PCP4: variants seen among roughly 807,000 people sequenced by gnomAD.
PCP4 encodes Purkinje cell protein 4, also known as calmodulin regulator protein PCP4.
A neutral mutation model predicts 10.0 loss-of-function variants in PCP4; 8 were observed. The ratio of observed to expected loss-of-function variants is 0.80; its 90% CI spans 0.47 to 1.45. The LOEUF is 1.45. PCP4 is among the 40% of genes most tolerant of loss of function. The pLI is 0.00. For missense variants in PCP4, 54 were observed against 74.4 expected (o/e 0.73, Z 1.01); for synonymous variants, 21 against 23.0 (o/e 0.91, Z 0.24).
At chr21:39,868,232 G>T (rs2087303563) in intron 1 of PCP4, among the ~76,000 whole-genome samples, 1 of 152,148 alleles carries the variant, frequency 6.6e-6, no homozygotes, top group East Asian at 1.9e-4. Context: ...ATTAGCGGTG[G>T]TACAACACCA....
chr21:39,894,892 C>A (rs1211201239), intron 1 of PCP4, among the ~76,000 whole-genome samples: 1 of 152,180 alleles, frequency 6.6e-6, no homozygotes, highest in South Asian at 2.1e-4. Context: ...AAGGCAGCCT[C>A]TTCCCGAAGA....
At chr21:39,911,427 A>G (rs1199236040) in intron 2 of PCP4, among the ~76,000 whole-genome samples, 1 of 152,228 alleles carries the variant, frequency 6.6e-6, no homozygotes, top group Admixed American at 6.5e-5. Context: ...CCTCGAGGTG[A>G]GCACAGGTGT....
chr21:39,876,921 G>T (rs945477579), intron 1 of PCP4, among the ~76,000 whole-genome samples: 1 of 152,136 alleles, frequency 6.6e-6, no homozygotes, highest in African/African-American at 2.4e-5. Context: ...GGTTGACCTT[G>T]AGAAAGGCTG....
intron 2 of PCP4, among the ~76,000 whole-genome samples, chr21:39,909,202 T>A (rs564567671): frequency 6.2e-4 from 94 of 152,346 alleles, no homozygotes; most frequent in African/African-American, 2.2e-3. Flanking sequence ...GAGTAGATAT[T>A]ACAGTTATTA....
intron 1 of PCP4, among the ~76,000 whole-genome samples, chr21:39,877,607 G>A (rs1041639898): frequency 6.6e-6 from 1 of 152,104 alleles, no homozygotes; most frequent in Non-Finnish European, 1.5e-5. Flanking sequence ...TGAGATGGGT[G>A]GATGGTTTGA....
chr21:39,918,329 A>G (rs545823215), intron 2 of PCP4, among the ~76,000 whole-genome samples: 2 of 152,278 alleles, frequency 1.3e-5, no homozygotes, highest in East Asian at 1.9e-4. Flanking sequence ...TAGTTCCACA[A>G]TGGGCATTTT....
chr21:39,922,937 A>G (rs922405092), intron 2 of PCP4, among the ~76,000 whole-genome samples: 6 of 152,168 alleles, frequency 3.9e-5, no homozygotes, highest in Admixed American at 3.9e-4. Context: ...TTTTGGAGCT[A>G]TAGTGATCAA....
At chr21:39,884,918 C>T (rs2087392750) in intron 1 of PCP4, among the ~76,000 whole-genome samples, 1 of 152,178 alleles carries the variant, frequency 6.6e-6, no homozygotes, top group Admixed American at 6.5e-5. Flanking sequence ...TCTTCACCAG[C>T]ACACCTTAAA....
chr21:39,896,835 T>A (rs1467473676), intron 1 of PCP4, among the ~76,000 whole-genome samples: 1 of 152,220 alleles, frequency 6.6e-6, no homozygotes, highest in African/African-American at 2.4e-5. Context: ...CTGATTGTTA[T>A]TTTTCTGATA....
At chr21:39,892,193 C>G (rs2087435872) in intron 1 of PCP4, among the ~76,000 whole-genome samples, 1 of 152,270 alleles carries the variant, frequency 6.6e-6, no homozygotes, top group African/African-American at 2.4e-5. Flanking sequence ...TTCTAGGTCA[C>G]TTCTCACAAT....
intron 2 of PCP4, among the ~76,000 whole-genome samples, chr21:39,927,667 C>T (rs996970079): frequency 6.6e-6 from 1 of 152,172 alleles, no homozygotes; most frequent in Non-Finnish European, 1.5e-5. Context: ...GGGCTGGCCT[C>T]CTCTGCTCTA....
chr21:39,910,971 A>T (rs1211659669), intron 2 of PCP4, among the ~76,000 whole-genome samples: 2 of 152,226 alleles, frequency 1.3e-5, no homozygotes, highest in African/African-American at 4.8e-5. Flanking sequence ...TTTGGGTTGC[A>T]GCATTGTACG....
At chr21:39,912,270 A>G (rs1399401133) in intron 2 of PCP4, among the ~76,000 whole-genome samples, 2 of 151,722 alleles carry the variant, frequency 1.3e-5, no homozygotes, top group Non-Finnish European at 2.9e-5. Context: ...TGATAATTAG[A>G]ATGTGTCAAG....
chr21:39,927,333 CTATCTGTCT>C (rs2087628501), intron 2 of PCP4, among the ~76,000 whole-genome samples: 4 of 85,120 alleles, frequency 4.7e-5, no homozygotes, highest in South Asian at 4.7e-4. Flanking sequence ...ATCTATCTAT[CTATCTGTCT>C]ATCTATCTAT....
At chr21:39,900,811 T>C (rs1372862748) in intron 2 of PCP4, among the ~76,000 whole-genome samples, 1 of 152,068 alleles carries the variant, frequency 6.6e-6, no homozygotes, top group African/African-American at 2.4e-5. Context: ...TCTTAGACCA[T>C]AGGGTCATTC....
intron 2 of PCP4, among the ~76,000 whole-genome samples, chr21:39,899,961 TTCCACTGAACCTCACAACCTTA>T (rs2087474978): frequency 1.3e-5 from 2 of 151,996 alleles, no homozygotes; most frequent in Non-Finnish European, 2.9e-5. Context: ...GCAAGTTCCT[TTCCACTGAACCTCACAACCTTA>T]GAATTAGAGT....
intron 1 of PCP4, among the ~76,000 whole-genome samples, chr21:39,873,029 G>T (rs764621402): frequency 6.6e-6 from 1 of 152,126 alleles, no homozygotes; most frequent in Non-Finnish European, 1.5e-5. Context: ...GGAAAATATG[G>T]GAACGGAGCA....
chr21:39,874,734 AC>A (rs1231940545), intron 1 of PCP4, among the ~76,000 whole-genome samples: 3 of 151,952 alleles, frequency 2.0e-5, no homozygotes, highest in Non-Finnish European at 4.4e-5. Flanking sequence ...TTAAAAAAAA[AC>A]CTAGTTAAAA....
At chr21:39,874,885 G>C (rs2087337800) in intron 1 of PCP4, among the ~76,000 whole-genome samples, 1 of 152,190 alleles carries the variant, frequency 6.6e-6, no homozygotes, top group Non-Finnish European at 1.5e-5. Context: ...ATACCTGAAA[G>C]TGCTGCTAAG....
Sources: allele counts gnomAD v4.1 joint callset (sites outside exome capture counted in the v4.1 genomes callset), GRCh38; gene constraint gnomAD v4.1.1; transcripts MANE v1.5; gene names NCBI Gene and HGNC (gene_info 2026-07-23, HGNC 2026-07-21).